The following SLC18A1 variants were observed in gnomAD, a reference collection of about 807,000 sequenced individuals.
SLC18A1 encodes solute carrier family 18 member A1.
Under a neutral mutation model 53.7 loss-of-function variants are expected in SLC18A1, and 69 were observed. The ratio of observed to expected loss-of-function variants is 1.28; its 90% CI spans 1.06 to 1.57. The LOEUF (loss-of-function observed/expected upper bound fraction) is 1.57. SLC18A1 is among the 40% of genes most tolerant of loss of function. The pLI is 0.00. For synonymous variants in SLC18A1, 320 were observed against 248.1 expected (o/e 1.29, Z -2.72); for missense variants, 932 against 668.1 (o/e 1.40, Z -4.35).
At chr8:20,156,156 C>T (rs2071675957) in intron 10 of SLC18A1, among the ~76,000 whole-genome samples, 1 of 151,992 alleles carries the variant, frequency 6.6e-6, no homozygotes, top group Admixed American at 6.6e-5. Flanking sequence ...TGCATTCAAT[C>T]TGTAGTGGCA....
rs773367523 is a variant in SLC18A1, at chr8:20,149,673, T to C, written c.1146+3A>G. 6.2e-7 allele frequency: 1 copy of C among 1,611,742 alleles called. No individual in the cohort carries two copies. The highest frequency in any genetic ancestry group is 1.7e-5 in the Admixed American group (1 of 59,832). On this transcript the variant is annotated splice_donor_region_variant and intron_variant, in intron 12 of 15. Transcript: ENST00000276373. ...CCCCTCCCCCAGGTCTTCTTATACTTACACAGAGCAAGCTGGTACCTACTA... is the reference window on the plus strand; with the variant it reads ...CCCCTCCCCCAGGTCTTCTTATACTCACACAGAGCAAGCTGGTACCTACTA...
intron 8 of SLC18A1, among the ~76,000 whole-genome samples, chr8:20,166,280 T>TGG (rs2071955856): frequency 1.1e-5 from 1 of 95,004 alleles, no homozygotes; most frequent in African/African-American, 4.5e-5. Flanking sequence ...TGTGTGGGTG[T>TGG]GTGTGTGTCT....
chr8:20,169,676 C>T (rs545226755), intron 8 of SLC18A1, among the ~76,000 whole-genome samples: 8 of 152,164 alleles, frequency 5.3e-5, no homozygotes, highest in East Asian at 1.9e-4. Flanking sequence ...CTCAGGAGTT[C>T]GAGACCAGCC....
intron 10 of SLC18A1, among the ~76,000 whole-genome samples, chr8:20,152,614 GA>G (rs761170133): frequency 2.6e-5 from 4 of 152,172 alleles, no homozygotes; most frequent in Non-Finnish European, 4.4e-5. Flanking sequence ...AGCATGGGGG[GA>G]ACGTGAGAGG....
chr8:20,174,264 C>A, intron 5 of SLC18A1, 97 bp downstream of exon 5: 1 of 953,822 alleles, frequency 1.0e-6, no homozygotes, highest in Non-Finnish European at 1.7e-6. Flanking sequence ...TGACATTTTC[C>A]TTAATTTCTC....
intron 11 of SLC18A1, among the ~76,000 whole-genome samples, 173 bp from the exon 12 acceptor site, chr8:20,149,900 C>T (rs146572911): frequency 6.6e-6 from 1 of 152,294 alleles, no homozygotes; most frequent in East Asian, 1.9e-4. Flanking sequence ...TCTCCCTGCC[C>T]TTTCCTTGTC....
Position 20,164,892 on chromosome 8 carries a change from A to G in SLC18A1, c.992T>C (p.Met331Thr), listed in dbSNP as rs780112295. 3.7e-6 allele frequency: 6 copies of G among 1,611,566 alleles called. No individual in the cohort carries two copies. The Admixed American group carries it at 5.0e-5, about 13-fold the overall frequency. Residue 331 changes from methionine (M) to threonine (T), a missense_variant, in exon 10 of 16, where the codon ATG becomes ACG. Physicochemically the swap from Met to Thr is moderately conservative, Grantham distance 81. Transcript: ENST00000276373. ...ACCCAGCTGCCACTTGGGGGAGCAC[A>G]TGGTCTGCATCATCCAGATGGGCAG... ...PTLPIWMMQT[M>T]CSPKWQLGLA...
chr8:20,157,395 G>A (rs762686763), intron 10 of SLC18A1, among the ~76,000 whole-genome samples: 1 of 152,152 alleles, frequency 6.6e-6, no homozygotes, highest in African/African-American at 2.4e-5. Context: ...ATTCCCCACA[G>A]GCCAGTAGGC....
At chr8:20,148,268 T>G in intron 12 of SLC18A1, 198 bp from the exon 13 acceptor site, 3 of 604,652 alleles carry the variant, frequency 5.0e-6, no homozygotes, top group Non-Finnish European at 2.9e-6. Context: ...ACCAGCGCTG[T>G]TGTGTTTATT....
At chr8:20,178,632 G>A (rs2072317072) in intron 3 of SLC18A1, 139 bp from the exon 4 acceptor site, 2 of 659,498 alleles carry the variant, frequency 3.0e-6, no homozygotes, top group South Asian at 4.0e-5. Flanking sequence ...GTAGTGTGGA[G>A]ATGAAATAGG....
In SLC18A1 at chr8:20,171,162, G is replaced by C. The variant is rs998857775; in HGVS notation, c.815-16C>G. The C allele has an allele frequency of 1.2e-6, 2 of 1,613,982 alleles. No individual in the cohort carries two copies. On this transcript the variant is annotated splice_polypyrimidine_tract_variant and intron_variant, in intron 7 of 15. Coordinates refer to ENST00000276373, the MANE Select transcript of SLC18A1 (RefSeq NM_003053.4). The stretch of plus-strand genomic sequence containing the variant: ...AGCTGGAGTGCTAAGAAACAAAGAA[G>C]GTGAGACAGTTCAGCGTGTCTACTG...
rs2072358154 is a variant in SLC18A1 at position 20,179,452 on chromosome 8, C to G, written c.157G>C (p.Glu53Gln). The change falls in exon 3 of 16, where the codon GAG (glutamate) becomes CAG (glutamine). Residue 53 changes from glutamate to glutamine, a missense_variant. Physicochemically the swap from Glu to Gln is conservative, Grantham distance 29. Coordinates refer to ENST00000276373, the MANE Select transcript of SLC18A1 (RefSeq NM_003053.4). ...AGAGAAGAGTTGACTTCTTTGAACT[C>G]CATGTCATATAGGAAGGTGGGCACA... ...PIVPTFLYDM[E>Q]FKEVNSSLHL... 3 of 1,612,972 alleles carry G rather than the reference C, an allele frequency of 1.9e-6. No homozygotes were observed. Among genetic ancestry groups the G allele is most frequent in the Non-Finnish European group, 8.5e-7 (1 of 1,179,622 alleles).
chr8:20,147,704 A>G lies in SLC18A1; in HGVS notation c.1229T>C (p.Met410Thr). The stretch of plus-strand genomic sequence containing the variant: ...CACCAGGTGCCCCATGATGGGCATC[A>G]TAGAAGAATCCACCATGCCTGTGGC... ...GLAIGMVDSS[M>T]MPIMGHLVDL... is the part of the protein sequence containing the mutation. Residue 410 changes from methionine to threonine, a missense_variant, in exon 14 of 16, where the codon ATG becomes ACG. Transcript: ENST00000276373. 4 of 1,613,666 alleles carry G rather than the reference A, an allele frequency of 2.5e-6. No homozygotes were observed. Among genetic ancestry groups the G allele is most frequent in the Non-Finnish European group, 3.4e-6 (4 of 1,179,882 alleles).
At chr8:20,171,681 A>AGT (rs111983026) in intron 6 of SLC18A1, among the ~76,000 whole-genome samples, 187 bp from the exon 7 acceptor site, 3,197 of 147,014 alleles carry the variant, frequency 0.022, 40 homozygotes, top group African/African-American at 0.032. Flanking sequence ...TAGTGGAGGA[A>AGT]GTGTGTGTGT....
intron 11 of SLC18A1, 86 bp from the exon 12 acceptor site, chr8:20,149,813 A>C (rs2071503428): frequency 7.7e-7 from 1 of 1,292,270 alleles, no homozygotes; most frequent in Non-Finnish European, 1.1e-6. Context: ...GACCTGTCCC[A>C]CCAGCCCTAA....
chr8:20,179,118 T>C lies in SLC18A1; in HGVS notation c.488+3A>G, dbSNP rs1470093693. On this transcript the variant is annotated splice_donor_region_variant and intron_variant, in intron 3 of 15. Coordinates refer to ENST00000276373, the MANE Select transcript of SLC18A1 (RefSeq NM_003053.4). Reference sequence around the variant, plus strand: ...CTGCGGGGCACTGCACCCAGTGAGATACCTGTTGGTGAGAGGGCCCACGAA... The same window carrying C: ...CTGCGGGGCACTGCACCCAGTGAGACACCTGTTGGTGAGAGGGCCCACGAA... The C allele has an allele frequency of 3.1e-6, 5 of 1,607,994 alleles. No individual in the cohort carries two copies. The highest frequency in any genetic ancestry group is 2.2e-5 in the East Asian group (1 of 44,806).
chr8:20,147,796 A>T, intron 13 of SLC18A1, 74 bp from the exon 14 acceptor site: 1 of 1,580,118 alleles, frequency 6.3e-7, no homozygotes, highest in Non-Finnish European at 8.6e-7. Flanking sequence ...TCCTCCATTT[A>T]GTCCATTTGC....
intron 10 of SLC18A1, among the ~76,000 whole-genome samples, chr8:20,156,544 G>A (rs1056887602): frequency 6.6e-6 from 1 of 152,152 alleles, no homozygotes; most frequent in Non-Finnish European, 1.5e-5. Flanking sequence ...AGCAGAGTTG[G>A]GAAAATTGCC....
chr8:20,149,283 T>A (rs1469758570), intron 12 of SLC18A1, among the ~76,000 whole-genome samples: 5 of 152,016 alleles, frequency 3.3e-5, no homozygotes. Context: ...TCTGTCAGGG[T>A]GGGATGAGTA....
Sources: gnomAD v4.1 joint callset for allele counts (sites outside exome capture counted in the v4.1 genomes callset) on GRCh38, gnomAD v4.1.1 for gene constraint, MANE v1.5 for transcripts, NCBI Gene and HGNC (gene_info 2026-07-23, HGNC 2026-07-21) for gene names.